SLC4A4: variants seen among roughly 807,000 people sequenced by gnomAD.
SLC4A4 encodes the protein solute carrier family 4 member 4, also known as electrogenic sodium bicarbonate cotransporter 1.
Under a neutral mutation model 111.5 loss-of-function variants are expected in SLC4A4, and 27 were observed. The observed-to-expected ratio is 0.24, with a 90% CI of 0.18 to 0.33. SLC4A4 has a LOEUF of 0.33. Ranked by LOEUF, SLC4A4 falls within the 10% of genes least tolerant of loss-of-function variation. SLC4A4 has a pLI of 1.00. For synonymous variants in SLC4A4, 443 were observed against 463.4 expected (o/e 0.96, Z 0.57); for missense variants, 909 against 1,315.5 (o/e 0.69, Z 4.78).
intron 1 of SLC4A4, among the ~76,000 whole-genome samples, chr4:71,218,655 C>A (rs926559674): frequency 2.6e-5 from 4 of 152,222 alleles, no homozygotes; most frequent in South Asian, 4.1e-4. Context: ...CACTTAGTAG[C>A]TGTGTGAACT....
At chr4:71,234,881 T>C (rs1409815833) in intron 1 of SLC4A4, among the ~76,000 whole-genome samples, 4 of 152,312 alleles carry the variant, frequency 2.6e-5, no homozygotes, top group East Asian at 1.9e-4. Context: ...GCCGATATTA[T>C]TGAAAGAAGA....
At chr4:71,190,995 A>G (rs1027147187) in intron 1 of SLC4A4, among the ~76,000 whole-genome samples, 3 of 152,238 alleles carry the variant, frequency 2.0e-5, no homozygotes, top group African/African-American at 7.2e-5. Flanking sequence ...ACTGGTAACA[A>G]CATTCTGTTT....
chr4:71,469,224 CTAAGGTA>C (rs1389353907), intron 13 of SLC4A4, among the ~76,000 whole-genome samples: 1 of 151,870 alleles, frequency 6.6e-6, no homozygotes, highest in East Asian at 1.9e-4. Flanking sequence ...GCAATGTGTT[CTAAGGTA>C]TATAAAAACT....
intron 2 of SLC4A4, among the ~76,000 whole-genome samples, chr4:71,155,036 G>A (rs906102414): frequency 2.6e-5 from 4 of 152,102 alleles, no homozygotes; most frequent in Non-Finnish European, 4.4e-5. Context: ...AATCAATTTA[G>A]TGGGTCACAA....
chr4:71,297,852 T>C lies in SLC4A4; in HGVS notation c.254-41518T>C, dbSNP rs28450411. Among the ~76,000 whole-genome samples, 728 of 152,288 alleles carry C rather than the reference T, an allele frequency of 4.8e-3. 6 individuals carry two copies. The highest frequency in any genetic ancestry group is 0.016 in the South Asian group (79 of 4,826). ...ATCCGCCTGCCTCAGCCTCCCAAAGTGCTGGGATTATAGGCTTGAGCCACC... is the reference window on the plus strand; with the variant it reads ...ATCCGCCTGCCTCAGCCTCCCAAAGCGCTGGGATTATAGGCTTGAGCCACC... On this transcript the variant is annotated intron_variant, in intron 3 of 25. Transcript: ENST00000264485.
chr4:71,384,475 T>G, intron 6 of SLC4A4, among the ~76,000 whole-genome samples: 1 of 151,870 alleles, frequency 6.6e-6, no homozygotes, highest in Admixed American at 6.6e-5. Flanking sequence ...ACCTGAGGAG[T>G]TTACTGCATG....
intron 16 of SLC4A4, among the ~76,000 whole-genome samples, chr4:71,508,692 TG>T (rs930201372): frequency 6.6e-6 from 1 of 152,208 alleles, no homozygotes; most frequent in African/African-American, 2.4e-5. Flanking sequence ...AAAGAAGAGC[TG>T]GTATCATTTC....
chr4:71,340,949 TACAG>T (rs374662383), intron 4 of SLC4A4, among the ~76,000 whole-genome samples: 11 of 152,312 alleles, frequency 7.2e-5, no homozygotes, highest in African/African-American at 2.6e-4. Context: ...TTCTTTTACA[TACAG>T]ATTCAGAGAT....
intron 1 of SLC4A4, among the ~76,000 whole-genome samples, chr4:71,069,459 CTCTTGACAGGCT>C (rs1741612212): frequency 6.6e-6 from 1 of 152,198 alleles, no homozygotes; most frequent in Non-Finnish European, 1.5e-5. Context: ...CTTGATAACA[CTCTTGACAGGCT>C]GCACCAGCTT....
At chr4:71,297,584 TC>T (rs367804342) in intron 3 of SLC4A4, among the ~76,000 whole-genome samples, 1 of 141,752 alleles carries the variant, frequency 7.1e-6, no homozygotes, top group Non-Finnish European at 1.5e-5. Context: ...TATTGGTGAA[TC>T]TTTTTTTTTT....
At chr4:71,073,306 A>G (rs1741716801) in intron 1 of SLC4A4, among the ~76,000 whole-genome samples, 1 of 152,286 alleles carries the variant, frequency 6.6e-6, no homozygotes, top group Non-Finnish European at 1.5e-5. Flanking sequence ...TTTCCAGAGC[A>G]ATGTTAGATA....
In SLC4A4 at chr4:71,064,525, A is replaced by G. The variant is rs142630723; in HGVS notation, c.-65+1737A>G. On this transcript the variant is annotated intron_variant, in intron 1 of 26. Transcript: ENST00000649996. ...GAAGATGTTAAAAGTAGAGGAGAGA[A>G]TTGGATAAAATTGAACCCGTAGTGA... Among the ~76,000 whole-genome samples, 49 of 152,360 alleles carry G rather than the reference A, an allele frequency of 3.2e-4. 1 individual carries two copies. Among genetic ancestry groups the G allele is most frequent in the African/African-American group, 1.1e-3 (47 of 41,584 alleles).
intron 14 of SLC4A4, among the ~76,000 whole-genome samples, chr4:71,476,996 G>A (rs1347302010): frequency 6.6e-6 from 1 of 151,706 alleles, no homozygotes. Context: ...TAGTTCAAAA[G>A]CCAAAAGTGA....
chr4:71,453,394 G>A, intron 11 of SLC4A4, 101 bp from the exon 12 acceptor site: 1 of 1,158,496 alleles, frequency 8.6e-7, no homozygotes, highest in South Asian at 1.2e-5. Flanking sequence ...ACTGATTCAA[G>A]CATTTTAAAT....
chr4:71,140,463 A>G (rs1324455647), intron 2 of SLC4A4, among the ~76,000 whole-genome samples: 2 of 152,152 alleles, frequency 1.3e-5, no homozygotes, highest in African/African-American at 2.4e-5. Context: ...ATGACTTCCA[A>G]ATGTATATCT....
chr4:71,516,518 G>A (rs909870569), intron 16 of SLC4A4, among the ~76,000 whole-genome samples: 28 of 152,134 alleles, frequency 1.8e-4, no homozygotes, highest in Non-Finnish European at 3.5e-4. Context: ...GTCTTAGTGG[G>A]GTGTGAGTGA....
intron 6 of SLC4A4, among the ~76,000 whole-genome samples, chr4:71,369,757 C>T (rs1731677987): frequency 6.6e-6 from 1 of 152,170 alleles, no homozygotes; most frequent in South Asian, 2.1e-4. Flanking sequence ...GCTACATGCA[C>T]TTTCCCACAG....
chr4:71,453,005 G>A (rs777528636), intron 11 of SLC4A4, among the ~76,000 whole-genome samples: 1 of 152,108 alleles, frequency 6.6e-6, no homozygotes. Flanking sequence ...GATGCATGTT[G>A]TTCACTGTTA....
In SLC4A4 at chr4:71,174,052, T is replaced by C. The variant is rs1049450993; in HGVS notation, c.-1-62524T>C. On this transcript the variant is annotated intron_variant, in intron 2 of 26. Coordinates refer to the SLC4A4 transcript ENST00000649996. Reference sequence around the variant, plus strand: ...GTTGCCAGATAGCAGAAACTGTCAATAGACAGCTTATTCCATTGGAATTTT... The same window carrying C: ...GTTGCCAGATAGCAGAAACTGTCAACAGACAGCTTATTCCATTGGAATTTT... 1.2e-4 allele frequency among the ~76,000 whole-genome samples: 19 copies of C among 152,272 alleles called. No homozygotes were observed. The East Asian group carries it at 3.5e-3, about 28-fold the overall frequency.
Sources: gnomAD v4.1 joint callset for allele counts (sites outside exome capture counted in the v4.1 genomes callset) on GRCh38, gnomAD v4.1.1 for gene constraint, MANE v1.5 for transcripts, NCBI Gene and HGNC (gene_info 2026-07-23, HGNC 2026-07-21) for gene names.